Variants in CRIP1 observed in about 807,000 individuals in gnomAD.
CRIP1 encodes the protein cysteine rich protein 1.
Under a neutral mutation model 12.9 loss-of-function variants are expected in CRIP1, and 11 were observed. The observed-to-expected ratio is 0.86, with a 90% CI of 0.54 to 1.42. CRIP1 has a LOEUF of 1.42. Among genes scored for constraint, CRIP1 ranks in the 40% most tolerant of loss-of-function variants. The pLI, the probability that CRIP1 is intolerant of heterozygous loss-of-function variation, is 0.00. For synonymous variants in CRIP1, 41 were observed against 37.2 expected (o/e 1.10, Z -0.37); for missense variants, 122 against 101.3 (o/e 1.20, Z -0.88).
rs1567068860 is a variant in CRIP1 at position 105,487,284 on chromosome 14, AAGG to A, written c.29_31del (p.Glu10del). On this transcript the variant is annotated inframe_deletion, in exon 2 of 6. Transcript: ENST00000392531. ...CATGCCCAAGTGTCCCAAGTGCAAC[AAGG>A]AGGTGTACTTCGGTGAGCGCGCCCA... 3.2e-6 allele frequency: 5 copies of A among 1,544,456 alleles called. No individual in the cohort carries two copies. Among genetic ancestry groups the A allele is most frequent in the Admixed American group, 2.0e-5 (1 of 50,828 alleles).
intron 1 of CRIP1, 38 bp from the exon 2 acceptor site, chr14:105,487,161 G>C (rs1490437260): frequency 6.7e-7 from 1 of 1,490,774 alleles, no homozygotes; most frequent in African/African-American, 1.4e-5. Context: ...GGGGTCCCGG[G>C]GTCCCTGAAA....
At position 105,488,734 on chromosome 14, in the gene CRIP1, G is replaced by A; in HGVS notation, c.*77G>A. On this transcript the variant is annotated 3_prime_UTR_variant, in exon 6 of 6. Transcript: ENST00000392531. The stretch of plus-strand genomic sequence containing the variant: ...CAAATGCCAGGCCTTGTCCCCAGAT[G>A]CCCAGGGCTCCCTTGTTGCCCCTAA... 1 of 596,468 alleles carries A rather than the reference G, an allele frequency of 1.7e-6. No homozygotes were observed. Among genetic ancestry groups the A allele is most frequent in the Admixed American group, 3.0e-5 (1 of 33,552 alleles). The allele number at this position is 596,468 out of a possible 1,614,324, so 36.9% of individuals were successfully genotyped here.
chr14:105,487,082 T>C, intron 1 of CRIP1, 110 bp downstream of exon 1: 1 of 1,366,038 alleles, frequency 7.3e-7, no homozygotes, highest in Non-Finnish European at 9.6e-7. Flanking sequence ...TGGGCCTAGA[T>C]TCGAGGTCCC....
rs1274447120 is a variant in CRIP1, at chr14:105,487,187, G to T, written c.-61-12G>T. ...GTCCCTGAAAGGCGCGGACCAGGCCGGATCCACCCAGTCTCGCGCCTGCAG... is the reference window on the plus strand; with the variant it reads ...GTCCCTGAAAGGCGCGGACCAGGCCTGATCCACCCAGTCTCGCGCCTGCAG... On this transcript the variant is annotated splice_polypyrimidine_tract_variant and intron_variant, in intron 1 of 5. Transcript: ENST00000392531. 1 of 1,529,466 alleles carries T rather than the reference G, an allele frequency of 6.5e-7. No homozygotes were observed. 94.7% of individuals were successfully genotyped at this position (1,529,466 alleles called of 1,614,324 possible).
chr14:105,488,040 G>A (rs2084139544), intron 2 of CRIP1, 126 bp from the exon 3 acceptor site: 2 of 937,132 alleles, frequency 2.1e-6, no homozygotes, highest in Non-Finnish European at 3.2e-6. Context: ...GGGCTGCCAG[G>A]CTGGGCGGAT....
Position 105,487,289 on chromosome 14 carries a change from G to A in CRIP1, c.30G>A (p.Glu10=). The A allele has an allele frequency of 1.9e-6, 3 of 1,543,698 alleles. No individual in the cohort carries two copies. The highest frequency in any genetic ancestry group is 2.4e-5 in the South Asian group (2 of 83,310). The change falls in exon 2 of 6, where the codon GAG becomes GAA. Residue 10 remains glutamate, a synonymous_variant. Transcript: ENST00000392531. ...CCAAGTGTCCCAAGTGCAACAAGGAGGTGTACTTCGGTGAGCGCGCCCACA... is the reference window on the plus strand; with the variant it reads ...CCAAGTGTCCCAAGTGCAACAAGGAAGTGTACTTCGGTGAGCGCGCCCACA... MPKCPKCNK[E]VYFAERVTSL... is the part of the protein sequence containing the mutation.
At position 105,488,367 on chromosome 14, in the gene CRIP1, GCAGCC is replaced by G; in HGVS notation, c.173_177del (p.Ala58AspfsTer5). Reference sequence around the variant, plus strand: ...ACCCTACTGCAACCACCCCTGCTACGCAGCCATGTTTGGGCCTAAAGGTATGCTCC... The same window carrying G: ...ACCCTACTGCAACCACCCCTGCTACGATGTTTGGGCCTAAAGGTATGCTCC... On this transcript the variant is annotated frameshift_variant, in exon 4 of 6. Coordinates refer to ENST00000392531, the MANE Select transcript of CRIP1 (RefSeq NM_001311.5). LOFTEE classifies it high-confidence loss of function. 1.2e-6 allele frequency: 2 copies of G among 1,613,416 alleles called. No homozygotes were observed. The highest frequency in any genetic ancestry group is 1.7e-6 in the Non-Finnish European group (2 of 1,179,976).
rs2084129141 is a variant in CRIP1, at chr14:105,487,228, C to T, written c.-32C>T. ...GCGCCTGCAGCCCGTGCCGCCCCAGCCGCTGCCGCCTGCACCGGACCCGGA... is the reference window on the plus strand; with the variant it reads ...GCGCCTGCAGCCCGTGCCGCCCCAGTCGCTGCCGCCTGCACCGGACCCGGA... On this transcript the variant is annotated 5_prime_UTR_variant, in exon 2 of 6. Coordinates refer to ENST00000392531, the MANE Select transcript of CRIP1 (RefSeq NM_001311.5). 1.2e-5 allele frequency: 19 copies of T among 1,542,044 alleles called. 1 individual carries two copies. The highest frequency in any genetic ancestry group is 7.5e-5 in the East Asian group (3 of 40,176).
chr14:105,488,562 G>T (rs782523690), intron 5 of CRIP1, 46 bp downstream of exon 5: 2 of 1,550,350 alleles, frequency 1.3e-6, no homozygotes, highest in Non-Finnish European at 1.7e-6. Flanking sequence ...TTCCACCCTC[G>T]GGATGGGGAT....
Position 105,488,403 on chromosome 14 carries a change from T to TGGCCCCCCCCCCCCCCCCCCCCCCCCCC in CRIP1, c.193+15_193+16insGGCCCCCCCCCCCCCCCCCCCCCCCCCC. 1 of 1,580,482 alleles carries TGGCCCCCCCCCCCCCCCCCCCCCCCCCC rather than the reference T, an allele frequency of 6.3e-7. No homozygotes were observed. The highest frequency in any genetic ancestry group is 8.6e-7 in the Non-Finnish European group (1 of 1,156,518). ...TGGGCCTAAAGGTATGCTCCCGTCATCCCCACCCCACCCCACCCCACAGCC... is the reference window on the plus strand; with the variant it reads ...TGGGCCTAAAGGTATGCTCCCGTCATGGCCCCCCCCCCCCCCCCCCCCCCCCCCCCCCACCCCACCCCACCCCACAGCC... On this transcript the variant is annotated intron_variant, in intron 4 of 5. Transcript: ENST00000392531.
chr14:105,488,474 T>C lies in CRIP1; in HGVS notation c.197T>C (p.Phe66Ser). The C allele has an allele frequency of 1.3e-6, 2 of 1,553,758 alleles. No homozygotes were observed. The highest frequency in any genetic ancestry group is 1.7e-6 in the Non-Finnish European group (2 of 1,146,282). The part of the protein sequence containing the change: ...CYAAMFGPKG[F>S]GRGGAESHTF... ...ACTTTTTCCACCTTCTCTGCAGGCT[T>C]TGGGCGGGGCGGAGCCGAGAGCCAC... is the stretch of plus-strand genomic sequence containing the variant. Residue 66 changes from phenylalanine (F) to serine (S), a missense_variant, in exon 5 of 6, where the codon TTT becomes TCT. Transcript: ENST00000392531.
At chr14:105,487,593 G>C in intron 2 of CRIP1, 1 of 363,674 alleles carries the variant, frequency 2.7e-6, no homozygotes, top group South Asian at 7.1e-5. Context: ...CGCGCCCTGA[G>C]TGGGGGACCC....
intron 2 of CRIP1, 140 bp from the exon 3 acceptor site, chr14:105,488,023 TTAG>T (rs2084139267): frequency 1.3e-6 from 1 of 755,890 alleles, no homozygotes; most frequent in East Asian, 2.7e-5. Context: ...TGCTGAGACC[TTAG>T]GGTGGGCTGC....
chr14:105,487,135 G>C (rs1029942533), intron 1 of CRIP1, 64 bp from the exon 2 acceptor site: 5 of 1,421,172 alleles, frequency 3.5e-6, no homozygotes, highest in Non-Finnish European at 4.6e-6. Context: ...CGCGAGGGGC[G>C]GGGTCTCCAA....
rs1555438232 is a variant in CRIP1 at position 105,487,285 on chromosome 14, A to G, written c.26A>G (p.Lys9Arg). Residue 9 changes from lysine to arginine, a missense_variant, in exon 2 of 6, where the codon AAG becomes AGG. Physicochemically the swap from Lys to Arg is conservative, Grantham distance 26 (BLOSUM62 2). Transcript: ENST00000392531. MPKCPKCN[K>R]EVYFAERVTS... Reference sequence around the variant, plus strand: ...ATGCCCAAGTGTCCCAAGTGCAACAAGGAGGTGTACTTCGGTGAGCGCGCC... The same window carrying G: ...ATGCCCAAGTGTCCCAAGTGCAACAGGGAGGTGTACTTCGGTGAGCGCGCC... 2 of 1,544,764 alleles carry G rather than the reference A, an allele frequency of 1.3e-6. No individual in the cohort carries two copies. Among genetic ancestry groups the G allele is most frequent in the South Asian group, 1.2e-5 (1 of 83,480 alleles).
At chr14:105,487,568 C>T in intron 2 of CRIP1, 1 of 422,062 alleles carries the variant, frequency 2.4e-6, no homozygotes, top group South Asian at 4.8e-5. Context: ...ACGGTCTCTG[C>T]CGTTTCCTCT....
Position 105,486,887 on chromosome 14 carries a change from T to C in CRIP1, c.-147T>C. 9.5e-7 allele frequency: 1 copy of C among 1,056,472 alleles called. No individual in the cohort carries two copies. The highest frequency in any genetic ancestry group is 1.1e-6 in the Non-Finnish European group (1 of 875,760). The allele number at this position is 1,056,472 out of a possible 1,614,324, so 65.4% of individuals were successfully genotyped here. On this transcript the variant is annotated 5_prime_UTR_variant, in exon 1 of 6. Coordinates refer to ENST00000392531, the MANE Select transcript of CRIP1 (RefSeq NM_001311.5). ...CGGCGTTTCCTGCTGCGGGTGAGCCTTTTGCCTCGGAACTGGACCCGGGAG... is the reference window on the plus strand; with the variant it reads ...CGGCGTTTCCTGCTGCGGGTGAGCCCTTTGCCTCGGAACTGGACCCGGGAG...
Position 105,488,709 on chromosome 14 carries a change from C to T in CRIP1, c.*52C>T, listed in dbSNP as rs1380035301. ...GCTGCTTGCAGGGCCACTGTCCAGG[C>T]AAATGCCAGGCCTTGTCCCCAGATG... On this transcript the variant is annotated 3_prime_UTR_variant, in exon 6 of 6. Coordinates refer to ENST00000392531, the MANE Select transcript of CRIP1 (RefSeq NM_001311.5). 1.3e-5 allele frequency: 8 copies of T among 630,628 alleles called. No homozygotes were observed. The highest frequency in any genetic ancestry group is 8.8e-5 in the Admixed American group (3 of 34,006). The allele number at this position is 630,628 out of a possible 1,614,324, so 39.1% of individuals were successfully genotyped here.
chr14:105,488,804 T>G lies in CRIP1; in HGVS notation c.*147T>G. On this transcript the variant is annotated 3_prime_UTR_variant, in exon 6 of 6. Coordinates refer to ENST00000392531, the MANE Select transcript of CRIP1 (RefSeq NM_001311.5). ...CACTTGGAAAACCTGTGTGTGTACA[T>G]GCGCGTGTGTGCTGGGGAGTGCCAA... The G allele has an allele frequency of 2.0e-6, 1 of 499,140 alleles. No homozygotes were observed. Among genetic ancestry groups the G allele is most frequent in the South Asian group, 3.1e-5 (1 of 32,760 alleles). The allele number at this position is 499,140 out of a possible 1,614,324, so 30.9% of individuals were successfully genotyped here.
Sources: gnomAD v4.1 joint callset for allele counts on GRCh38, gnomAD v4.1.1 for gene constraint, MANE v1.5 for transcripts, NCBI Gene and HGNC (gene_info 2026-07-23, HGNC 2026-07-21) for gene names.